Variants in SYNDIG1 observed in about 807,000 individuals in gnomAD.
SYNDIG1 encodes synapse differentiation inducing 1.
SYNDIG1 carries 9 observed loss-of-function variants against 19.4 expected under a neutral mutation model. The ratio of observed to expected loss-of-function variants is 0.46; its 90% CI spans 0.28 to 0.81. SYNDIG1 has a LOEUF of 0.81. Among genes scored for constraint, SYNDIG1 ranks in the 30% least tolerant of loss-of-function variants. The pLI, the probability that SYNDIG1 is intolerant of heterozygous loss-of-function variation, is 0.12. For synonymous variants in SYNDIG1, 141 were observed against 145.9 expected (o/e 0.97, Z 0.24); for missense variants, 311 against 343.3 (o/e 0.91, Z 0.74).
intron 3 of SYNDIG1, among the ~76,000 whole-genome samples, chr20:24,619,529 G>A (rs1163308543): frequency 3.3e-5 from 5 of 152,200 alleles, no homozygotes; most frequent in Admixed American, 6.5e-5. Flanking sequence ...GTTCCTGTTC[G>A]TAGATGATTC....
intron 2 of SYNDIG1, among the ~76,000 whole-genome samples, chr20:24,552,232 T>C (rs1358398692): frequency 6.6e-6 from 1 of 152,108 alleles, no homozygotes; most frequent in Non-Finnish European, 1.5e-5. Flanking sequence ...ACACCAGGGG[T>C]TCCATCTAGA....
chr20:24,536,397 G>C (rs2057362075), intron 1 of SYNDIG1, among the ~76,000 whole-genome samples: 1 of 152,186 alleles, frequency 6.6e-6, no homozygotes, highest in South Asian at 2.1e-4. Context: ...CTCCAAGCAA[G>C]AAAGGCCCCA....
intron 3 of SYNDIG1, chr20:24,596,823 C>T (rs2058602760): frequency 6.6e-6 from 1 of 152,330 alleles, no homozygotes; most frequent in Admixed American, 6.5e-5. Flanking sequence ...CCTCAATCTC[C>T]CCCAGTCCCT....
rs1190473924 is a variant in SYNDIG1, at chr20:24,626,211, G to A, written c.619-39135G>A. 1.7e-4 allele frequency among the ~76,000 whole-genome samples: 18 copies of A among 106,510 alleles called. No individual in the cohort carries two copies. In the South Asian group the frequency reaches 3.1e-3, roughly 19 times the overall value. 69.9% of individuals were successfully genotyped at this position (106,510 alleles called of 152,430 possible). On this transcript the variant is annotated intron_variant, in intron 3 of 3. Coordinates refer to ENST00000376862, the MANE Select transcript of SYNDIG1 (RefSeq NM_024893.3). The stretch of plus-strand genomic sequence containing the variant: ...TCCCGGACGGGGCGGCTGGCCTGGC[G>A]GGGGCTGACCCCCACCTCCCTCCCG...
intron 3 of SYNDIG1, among the ~76,000 whole-genome samples, chr20:24,603,801 C>T (rs921529221): frequency 6.6e-6 from 1 of 152,202 alleles, no homozygotes; most frequent in Non-Finnish European, 1.5e-5. Context: ...CAGAGACATT[C>T]GTCAGGCACT....
intron 3 of SYNDIG1, among the ~76,000 whole-genome samples, chr20:24,663,808 G>T (rs2059625130): frequency 6.6e-6 from 1 of 152,148 alleles, no homozygotes; most frequent in Non-Finnish European, 1.5e-5. Flanking sequence ...ACTAAGGCTG[G>T]TGATCATGGC....
intron 2 of SYNDIG1, among the ~76,000 whole-genome samples, chr20:24,580,768 T>A (rs773343999): frequency 1.3e-5 from 2 of 152,172 alleles, no homozygotes; most frequent in African/African-American, 2.4e-5. Context: ...TCATCTAGCC[T>A]CAGCTTGGTA....
chr20:24,489,311 C>T (rs1301656031), intron 1 of SYNDIG1, among the ~76,000 whole-genome samples: 2 of 147,670 alleles, frequency 1.4e-5, no homozygotes, highest in Non-Finnish European at 1.5e-5. Flanking sequence ...CAGGCACACG[C>T]AGACACATGG....
chr20:24,476,866 G>A (rs2055643074), intron 1 of SYNDIG1, among the ~76,000 whole-genome samples: 1 of 152,098 alleles, frequency 6.6e-6, no homozygotes, highest in East Asian at 2.0e-4. Flanking sequence ...CATTTGTCCA[G>A]CTGCATCTCT....
At chr20:24,577,732 C>T (rs1237604619) in intron 2 of SYNDIG1, among the ~76,000 whole-genome samples, 2 of 152,212 alleles carry the variant, frequency 1.3e-5, no homozygotes, top group African/African-American at 2.4e-5. Context: ...CCTGGAGCCA[C>T]CATAAATAAG....
intron 2 of SYNDIG1, among the ~76,000 whole-genome samples, chr20:24,571,486 T>TAC (rs1464129095): frequency 1.3e-5 from 2 of 152,072 alleles, no homozygotes; most frequent in Non-Finnish European, 1.5e-5. Context: ...TATATATATA[T>TAC]ACACACACAC....
chr20:24,487,054 G>A (rs181614234), intron 1 of SYNDIG1, among the ~76,000 whole-genome samples: 1 of 151,998 alleles, frequency 6.6e-6, no homozygotes, highest in Non-Finnish European at 1.5e-5. Context: ...AGGTTGGGGG[G>A]AGAGGGTCGG....
intron 3 of SYNDIG1, among the ~76,000 whole-genome samples, chr20:24,604,264 T>G (rs1568678090): frequency 6.6e-6 from 1 of 152,144 alleles, no homozygotes; most frequent in Non-Finnish European, 1.5e-5. Context: ...GACTCCATCT[T>G]GAACAGGGGC....
At position 24,574,099 on chromosome 20, in the gene SYNDIG1, C is replaced by G. The variant is rs531453397; in HGVS notation, c.481-10757C>G. Among the ~76,000 whole-genome samples the G allele has an allele frequency of 2.3e-4, 35 of 152,294 alleles. 1 individual carries two copies. Among genetic ancestry groups the G allele is most frequent in the African/African-American group, 7.9e-4 (33 of 41,556 alleles). ...CCAGGCTCCCACTTCTCTTCCCCAT[C>G]ATCTTTGCTGAGATCACCTCCCAAA... On this transcript the variant is annotated intron_variant, in intron 2 of 3. Transcript: ENST00000376862.
Position 24,658,632 on chromosome 20 carries a change from T to C in SYNDIG1, c.619-6714T>C, listed in dbSNP as rs1370069500. 6.8e-6 allele frequency among the ~76,000 whole-genome samples: 1 copy of C among 147,288 alleles called. No individual in the cohort carries two copies. The highest frequency in any genetic ancestry group is 2.5e-5 in the African/African-American group (1 of 40,068). Reference sequence around the variant, plus strand: ...ACCCCCCACCCCCACCCCCCGGCGATTCACTGAATGTGAAATAGATTCCCA... The same window carrying C: ...ACCCCCCACCCCCACCCCCCGGCGACTCACTGAATGTGAAATAGATTCCCA... On this transcript the variant is annotated intron_variant, in intron 3 of 3. Coordinates refer to ENST00000376862, the MANE Select transcript of SYNDIG1 (RefSeq NM_024893.3). The surrounding 1 kb of genome is among the most constrained non-coding windows in gnomAD (Gnocchi z 4.4).
intron 1 of SYNDIG1, among the ~76,000 whole-genome samples, chr20:24,490,044 G>A (rs1485670492): frequency 6.6e-6 from 1 of 152,216 alleles, no homozygotes; most frequent in African/African-American, 2.4e-5. Flanking sequence ...AGGCAGGGGA[G>A]TATGCAGCCA....
At chr20:24,519,658 T>C (rs1048844677) in intron 1 of SYNDIG1, among the ~76,000 whole-genome samples, 6 of 152,220 alleles carry the variant, frequency 3.9e-5, no homozygotes, top group African/African-American at 1.4e-4. Flanking sequence ...ACCACGTGCC[T>C]TTATTATTGA....
intron 1 of SYNDIG1, among the ~76,000 whole-genome samples, chr20:24,494,583 A>G (rs1223323920): frequency 6.6e-6 from 1 of 152,144 alleles, no homozygotes; most frequent in Non-Finnish European, 1.5e-5. Context: ...GCCCCGAGGG[A>G]TGAGGAGGAA....
intron 1 of SYNDIG1, among the ~76,000 whole-genome samples, chr20:24,531,516 A>G (rs151024756): frequency 6.6e-6 from 1 of 152,174 alleles, no homozygotes; most frequent in Non-Finnish European, 1.5e-5. Context: ...TTCTTTATTC[A>G]TGCATTTGTT....
Sources: gnomAD v4.1 joint callset for allele counts (sites outside exome capture counted in the v4.1 genomes callset) on GRCh38, gnomAD v4.1.1 for gene constraint, Gnocchi (gnomAD v3.1) non-coding constraint, MANE v1.5 for transcripts, NCBI Gene and HGNC (gene_info 2026-07-23, HGNC 2026-07-21) for gene names.